CSGALNACT1: variants seen among roughly 807,000 people sequenced by gnomAD.
CSGALNACT1 encodes chondroitin sulfate N-acetylgalactosaminyltransferase 1.
A neutral mutation model predicts 51.0 loss-of-function variants in CSGALNACT1; 52 were observed. The observed-to-expected ratio is 1.02, with a 90% CI of 0.82 to 1.29. CSGALNACT1 has a LOEUF of 1.29. Among genes scored for constraint, CSGALNACT1 ranks in the 50% most tolerant of loss-of-function variants. The pLI, the probability that CSGALNACT1 is intolerant of heterozygous loss-of-function variation, is 0.00. For missense variants in CSGALNACT1, 935 were observed against 679.2 expected, an observed-to-expected ratio of 1.38 and a Z score of -4.19; for synonymous variants, 341 against 254.4, an observed-to-expected ratio of 1.34 and a Z score of -3.24.
chr8:19,453,120 A>G (rs955092628), intron 5 of CSGALNACT1, among the ~76,000 whole-genome samples: 3 of 152,238 alleles, frequency 2.0e-5, no homozygotes, highest in African/African-American at 7.2e-5. Flanking sequence ...ATTAAAAGAA[A>G]AAGTTAAGAA....
chr8:19,611,672 C>A (rs1295320697), intron 1 of CSGALNACT1, among the ~76,000 whole-genome samples: 2 of 152,198 alleles, frequency 1.3e-5, no homozygotes, highest in Non-Finnish European at 2.9e-5. Context: ...TCTTCATGAA[C>A]AGGATCCTGT....
At chr8:19,566,615 A>C (rs1239690169) in intron 3 of CSGALNACT1, among the ~76,000 whole-genome samples, 1 of 152,220 alleles carries the variant, frequency 6.6e-6, no homozygotes, top group Non-Finnish European at 1.5e-5. Flanking sequence ...TGCATTTTAA[A>C]TAAGTATAAT....
At chr8:19,661,961 A>G (rs2058772633) in intron 1 of CSGALNACT1, among the ~76,000 whole-genome samples, 1 of 151,306 alleles carries the variant, frequency 6.6e-6, no homozygotes, top group African/African-American at 2.4e-5. Context: ...TTTCCATAGC[A>G]GTCATTCCCC....
intron 5 of CSGALNACT1, among the ~76,000 whole-genome samples, chr8:19,457,269 C>T (rs1185749768): frequency 5.3e-5 from 8 of 152,064 alleles, no homozygotes; most frequent in African/African-American, 1.7e-4. Context: ...AGGTATCAAC[C>T]ACACCCTTAT....
At chr8:19,591,851 T>A (rs985042147) in intron 2 of CSGALNACT1, among the ~76,000 whole-genome samples, 1 of 152,194 alleles carries the variant, frequency 6.6e-6, no homozygotes, top group Non-Finnish European at 1.5e-5. Flanking sequence ...ATATTTAGTA[T>A]TTAATATATT....
chr8:19,414,442 A>G (rs959227499), intron 8 of CSGALNACT1, among the ~76,000 whole-genome samples: 1 of 152,208 alleles, frequency 6.6e-6, no homozygotes, highest in African/African-American at 2.4e-5. Flanking sequence ...TTCTCAGCGA[A>G]CTGTTTCTAC....
chr8:19,486,983 T>C (rs1318612768), intron 4 of CSGALNACT1, among the ~76,000 whole-genome samples: 1 of 152,210 alleles, frequency 6.6e-6, no homozygotes, highest in Non-Finnish European at 1.5e-5. Context: ...CAGGATTTAC[T>C]ACCTGTCCTC....
intron 1 of CSGALNACT1, among the ~76,000 whole-genome samples, chr8:19,746,041 T>C (rs2064639725): frequency 6.6e-6 from 1 of 152,138 alleles, no homozygotes. Context: ...CTGGGAGACC[T>C]GAGGGTTGGT....
intron 1 of CSGALNACT1, among the ~76,000 whole-genome samples, chr8:19,616,671 C>A (rs762213241): frequency 7.3e-5 from 11 of 151,348 alleles, no homozygotes; most frequent in Non-Finnish European, 1.3e-4. Flanking sequence ...TGTGTGGTAC[C>A]TCCCCCCTCA....
chr8:19,508,816 C>T (rs552892175), intron 3 of CSGALNACT1, among the ~76,000 whole-genome samples: 1 of 152,280 alleles, frequency 6.6e-6, no homozygotes, highest in Non-Finnish European at 1.5e-5. Flanking sequence ...AGATGAAAAG[C>T]ATGTTGGCTA....
intron 1 of CSGALNACT1, among the ~76,000 whole-genome samples, chr8:19,733,806 C>CT (rs983979360): frequency 4.6e-4 from 69 of 151,448 alleles, no homozygotes; most frequent in African/African-American, 1.2e-3. Flanking sequence ...CATTAAGGCC[C>CT]TTTTTTTTTC....
chr8:19,601,862 G>A (rs1047558055), exon 2 of CSGALNACT1: 1 of 453,916 alleles, frequency 2.2e-6, no homozygotes, highest in Non-Finnish European at 4.4e-6. Context: ...AAATAGGAAG[G>A]CAGCTAAAAT....
At chr8:19,468,456 G>A (rs1464138333) in intron 4 of CSGALNACT1, among the ~76,000 whole-genome samples, 2 of 152,150 alleles carry the variant, frequency 1.3e-5, no homozygotes, top group African/African-American at 2.4e-5. Context: ...TAGAGGAAAG[G>A]GGAGCCGGGT....
intron 1 of CSGALNACT1, among the ~76,000 whole-genome samples, chr8:19,667,688 G>C (rs373043834): frequency 7.2e-5 from 11 of 152,282 alleles, no homozygotes; most frequent in East Asian, 5.8e-4. Flanking sequence ...CAGATCAGGA[G>C]AGCTTTCAAA....
intron 1 of CSGALNACT1, among the ~76,000 whole-genome samples, chr8:19,643,569 C>T (rs895096157): frequency 4.6e-5 from 7 of 151,012 alleles, no homozygotes; most frequent in African/African-American, 1.7e-4. Flanking sequence ...GCCTGGGACA[C>T]AGAGGTTGCA....
At chr8:19,503,413 T>C (rs915155480) in intron 4 of CSGALNACT1, among the ~76,000 whole-genome samples, 3 of 152,206 alleles carry the variant, frequency 2.0e-5, no homozygotes, top group African/African-American at 7.2e-5. Context: ...CTACTGTGCA[T>C]AGAATAGCAG....
chr8:19,565,826 G>A (rs1337257552), intron 3 of CSGALNACT1, among the ~76,000 whole-genome samples: 1 of 152,166 alleles, frequency 6.6e-6, no homozygotes, highest in African/African-American at 2.4e-5. Context: ...CAGCAGAATC[G>A]CTTGAACCCA....
At chr8:19,605,415 G>A (rs2051231529), upstream of CSGALNACT1, among the ~76,000 whole-genome samples, 1 of 152,194 alleles carries the variant, frequency 6.6e-6, no homozygotes, top group African/African-American at 2.4e-5. Flanking sequence ...CAGCCTGGGG[G>A]AGAGAGTGAG....
exon 10 of CSGALNACT1, chr8:19,405,737 A>G: frequency 6.2e-7 from 1 of 1,613,138 alleles, no homozygotes; most frequent in Non-Finnish European, 8.5e-7. Flanking sequence ...CAGTAATTGC[A>G]AAAGGAAAGA....
Sources: allele counts gnomAD v4.1 joint callset (sites outside exome capture counted in the v4.1 genomes callset), GRCh38; gene constraint gnomAD v4.1.1; transcripts MANE v1.5; gene names NCBI Gene and HGNC (gene_info 2026-07-23, HGNC 2026-07-21).